The following TNIK variants were observed in gnomAD, a reference collection of about 807,000 sequenced individuals.
TNIK encodes TRAF2 and NCK-interacting protein kinase.
In TNIK, 49 loss-of-function variants were observed where a neutral mutation model predicts 191.3. The observed-to-expected ratio is 0.26, with a 90% CI of 0.20 to 0.32. TNIK has a LOEUF of 0.32. Among genes scored for constraint, TNIK ranks in the 10% least tolerant of loss-of-function variants. The pLI is 1.00. For missense variants in TNIK, 1,155 were observed against 1,702.3 expected (o/e 0.68, Z 5.66); for synonymous variants, 594 against 600.9 (o/e 0.99, Z 0.17).
At chr3:171,077,788 T>C (rs1469402237) in intron 28 of TNIK, among the ~76,000 whole-genome samples, 1 of 152,022 alleles carries the variant, frequency 6.6e-6, no homozygotes, top group Admixed American at 6.6e-5. Flanking sequence ...TCTACATATG[T>C]ATATACACAT....
intron 2 of TNIK, among the ~76,000 whole-genome samples, chr3:171,248,763 T>C (rs1053723290): frequency 6.6e-6 from 1 of 152,202 alleles, no homozygotes; most frequent in Non-Finnish European, 1.5e-5. Flanking sequence ...ATAACTATAG[T>C]ATCAATATTA....
At chr3:171,421,291 A>T (rs767112299) in intron 1 of TNIK, among the ~76,000 whole-genome samples, 37 of 152,186 alleles carry the variant, frequency 2.4e-4, no homozygotes, top group Non-Finnish European at 4.4e-4. Flanking sequence ...ACATGCACAT[A>T]CCCCAGAAAA....
At chr3:171,280,987 AAC>A (rs1394193652) in intron 2 of TNIK, among the ~76,000 whole-genome samples, 9 of 152,218 alleles carry the variant, frequency 5.9e-5, no homozygotes, top group African/African-American at 2.2e-4. Flanking sequence ...CTACTGAATA[AAC>A]AGTCTCAGCT....
chr3:171,139,739 T>G (rs904611502), intron 13 of TNIK, among the ~76,000 whole-genome samples, 183 bp from the exon 14 acceptor site: 5 of 152,146 alleles, frequency 3.3e-5, no homozygotes, highest in African/African-American at 9.7e-5. Context: ...TTCAACATAA[T>G]GAAAAGCACA....
intron 1 of TNIK, 133 bp downstream of exon 1, chr3:171,459,874 G>A (rs1047111303): frequency 7.9e-6 from 9 of 1,135,882 alleles, no homozygotes; most frequent in Non-Finnish European, 1.1e-5. Context: ...ATCAAAACGG[G>A]AATCCAGGTT....
intron 4 of TNIK, among the ~76,000 whole-genome samples, chr3:171,201,266 G>T (rs998808172): frequency 6.6e-6 from 1 of 152,136 alleles, no homozygotes; most frequent in Non-Finnish European, 1.5e-5. Context: ...AGGCGTGGTG[G>T]TGCATGCCTG....
intron 2 of TNIK, among the ~76,000 whole-genome samples, chr3:171,334,422 A>G (rs1206342928): frequency 6.6e-6 from 1 of 152,186 alleles, no homozygotes; most frequent in Non-Finnish European, 1.5e-5. Context: ...AGAGGGCAGC[A>G]CAGAAAGCAT....
intron 9 of TNIK, among the ~76,000 whole-genome samples, chr3:171,173,609 T>C (rs897456492): frequency 6.6e-6 from 1 of 152,144 alleles, no homozygotes; most frequent in African/African-American, 2.4e-5. Flanking sequence ...ATTGACAGAT[T>C]TTTAAGTGTT....
chr3:171,253,085 G>A (rs1009266457), intron 2 of TNIK, among the ~76,000 whole-genome samples: 1 of 151,320 alleles, frequency 6.6e-6, no homozygotes, highest in African/African-American at 2.4e-5. Flanking sequence ...GACCATCCTG[G>A]CCAACACGGT....
At chr3:171,399,297 C>T (rs1466077267) in intron 1 of TNIK, among the ~76,000 whole-genome samples, 1 of 152,108 alleles carries the variant, frequency 6.6e-6, no homozygotes, top group Non-Finnish European at 1.5e-5. Flanking sequence ...TCTAAAAGAG[C>T]TCAAGTAGAT....
chr3:171,146,620 G>T (rs967719954), intron 12 of TNIK, among the ~76,000 whole-genome samples: 1 of 151,922 alleles, frequency 6.6e-6, no homozygotes, highest in Non-Finnish European at 1.5e-5. Context: ...TTTGATGGCC[G>T]GGCTCACACC....
intron 1 of TNIK, among the ~76,000 whole-genome samples, chr3:171,452,582 C>T (rs1728294931): frequency 6.6e-6 from 1 of 152,138 alleles, no homozygotes; most frequent in Non-Finnish European, 1.5e-5. Flanking sequence ...TACCCGCTCA[C>T]TGCCAGCTCT....
At chr3:171,087,204 G>A (rs1328873796) in intron 24 of TNIK, 138 bp downstream of exon 24, 3 of 1,214,414 alleles carry the variant, frequency 2.5e-6, no homozygotes, top group East Asian at 2.5e-5. Context: ...TTGAGTATCT[G>A]CATAAGTAGC....
chr3:171,309,884 G>C (rs1228809247), intron 2 of TNIK, among the ~76,000 whole-genome samples: 1 of 152,020 alleles, frequency 6.6e-6, no homozygotes, highest in Non-Finnish European at 1.5e-5. Context: ...CCTTTCTCTG[G>C]ATTTTTGCTT....
chr3:171,396,267 T>C (rs1332841618), intron 1 of TNIK, among the ~76,000 whole-genome samples: 1 of 152,206 alleles, frequency 6.6e-6, no homozygotes, highest in Non-Finnish European at 1.5e-5. Context: ...TTCATTCACA[T>C]AGTAGCATAT....
intron 2 of TNIK, among the ~76,000 whole-genome samples, chr3:171,291,166 T>C (rs1416066946): frequency 2.0e-5 from 3 of 152,208 alleles, no homozygotes; most frequent in Admixed American, 6.5e-5. Flanking sequence ...CCCACCGCCA[T>C]AGTACTGTAC....
chr3:171,427,514 C>T (rs528795548), intron 1 of TNIK, among the ~76,000 whole-genome samples: 1 of 152,234 alleles, frequency 6.6e-6, no homozygotes, highest in South Asian at 2.1e-4. Flanking sequence ...TAATGCCCAC[C>T]GTGCAAGGCA....
intron 2 of TNIK, among the ~76,000 whole-genome samples, chr3:171,275,321 C>T (rs1164115126): frequency 2.0e-5 from 3 of 151,946 alleles, no homozygotes; most frequent in Non-Finnish European, 2.9e-5. Context: ...ATGAAGAAAG[C>T]CTCCAACAAG....
intron 23 of TNIK, among the ~76,000 whole-genome samples, chr3:171,090,119 G>A (rs968745767): frequency 8.5e-5 from 13 of 152,204 alleles, no homozygotes; most frequent in Admixed American, 4.6e-4. Context: ...GGAGGAAGTG[G>A]AGAGGTGAAA....
Sources: gnomAD v4.1 joint callset for allele counts (sites outside exome capture counted in the v4.1 genomes callset) on GRCh38, gnomAD v4.1.1 for gene constraint, MANE v1.5 for transcripts, NCBI Gene and HGNC (gene_info 2026-07-23, HGNC 2026-07-21) for gene names.